PRKCQ: variants seen among roughly 807,000 people sequenced by gnomAD.
PRKCQ encodes the protein protein kinase C theta type.
PRKCQ carries 41 observed loss-of-function variants against 91.2 expected under a neutral mutation model. The observed-to-expected ratio is 0.45, with a 90% CI of 0.35 to 0.58. PRKCQ has a LOEUF of 0.58. PRKCQ is among the 20% of genes least tolerant of loss of function. PRKCQ has a pLI of 0.00. For missense variants in PRKCQ, 673 were observed against 896.5 expected (o/e 0.75, Z 3.18); for synonymous variants, 307 against 316.9 (o/e 0.97, Z 0.33).
At chr10:6,535,222 A>G (rs1839536955) in intron 1 of PRKCQ, among the ~76,000 whole-genome samples, 1 of 152,150 alleles carries the variant, frequency 6.6e-6, no homozygotes. Context: ...AACATTTGGT[A>G]ATTTAACAAG....
intron 1 of PRKCQ, among the ~76,000 whole-genome samples, chr10:6,526,568 C>G (rs1839205345): frequency 6.6e-6 from 1 of 152,060 alleles, no homozygotes; most frequent in African/African-American, 2.4e-5. Context: ...GAGGAGAGGA[C>G]TGAGTCACAC....
chr10:6,414,565 AT>A, the PRKCQ span, among the ~76,000 whole-genome samples: 413 of 152,352 alleles, frequency 2.7e-3, 1 homozygote, highest in African/African-American at 9.5e-3. Context: ...CATTCCATAC[AT>A]TCAAAAAGCT....
At position 6,485,652 on chromosome 10, in the gene PRKCQ, G is replaced by A. The variant is rs1836863868; in HGVS notation, c.900+383C>T. On this transcript the variant is annotated intron_variant, in intron 9 of 17. Transcript: ENST00000263125. ...GCTAATGCCAAAACAGTAAACAGCAGGCCAAATTTGCCCTGGACTCGGTGT... is the reference window on the plus strand; with the variant it reads ...GCTAATGCCAAAACAGTAAACAGCAAGCCAAATTTGCCCTGGACTCGGTGT... Among the ~76,000 whole-genome samples, 4 of 152,122 alleles carry A rather than the reference G, an allele frequency of 2.6e-5. No individual in the cohort carries two copies. In the South Asian group the frequency reaches 8.3e-4, roughly 32 times the overall value.
Position 6,497,547 on chromosome 10 carries a change from A to G in PRKCQ, c.543-296T>C, listed in dbSNP as rs376866174. 6.6e-6 allele frequency among the ~76,000 whole-genome samples: 1 copy of G among 152,246 alleles called. No individual in the cohort carries two copies. Among genetic ancestry groups the G allele is most frequent in the Non-Finnish European group, 1.5e-5 (1 of 68,040 alleles). On this transcript the variant is annotated intron_variant, in intron 5 of 17. Transcript: ENST00000263125. This position sits in a 1 kb window ranked among gnomAD's most constrained non-coding sequence, Gnocchi z 4.5. ...AATGCATGCATCACAGACTCTTCGT[A>G]GCACGTTTCCCTGTGCTAGATTTAA... is the stretch of plus-strand genomic sequence containing the variant.
At chr10:6,450,817 T>A (rs1354419013) in intron 15 of PRKCQ, among the ~76,000 whole-genome samples, 1 of 152,186 alleles carries the variant, frequency 6.6e-6, no homozygotes. Flanking sequence ...AATCTGCTCC[T>A]GAATGACTAC....
chr10:6,455,819 AG>A (rs1834972486), intron 15 of PRKCQ, among the ~76,000 whole-genome samples: 6 of 152,214 alleles, frequency 3.9e-5, no homozygotes, highest in African/African-American at 1.4e-4. Context: ...CACAGTTGGG[AG>A]ATATTTCTGG....
chr10:6,451,902 A>T (rs1281682254), intron 15 of PRKCQ, among the ~76,000 whole-genome samples: 1 of 152,200 alleles, frequency 6.6e-6, no homozygotes, highest in Non-Finnish European at 1.5e-5. Context: ...ACTCTCAATA[A>T]ATTAAGTATT....
chr10:6,400,042 C>T, the PRKCQ span, among the ~76,000 whole-genome samples: 19 of 152,286 alleles, frequency 1.2e-4, no homozygotes, highest in South Asian at 2.9e-3. Context: ...GTTTGACGCA[C>T]GTCAGAACTG....
intron 1 of PRKCQ, among the ~76,000 whole-genome samples, chr10:6,521,208 C>G (rs1439367353): frequency 6.6e-6 from 1 of 152,162 alleles, no homozygotes; most frequent in African/African-American, 2.4e-5. Flanking sequence ...GAGCTGATCC[C>G]CCTGTCTGAT....
chr10:6,566,028 A>G (rs1262766092), intron 1 of PRKCQ, among the ~76,000 whole-genome samples: 1 of 152,186 alleles, frequency 6.6e-6, no homozygotes, highest in Non-Finnish European at 1.5e-5. Context: ...ATTATTCACC[A>G]TTACCTTATA....
At chr10:6,453,212 C>G (rs573214038) in intron 15 of PRKCQ, among the ~76,000 whole-genome samples, 1 of 151,710 alleles carries the variant, frequency 6.6e-6, no homozygotes, top group Non-Finnish European at 1.5e-5. Context: ...ACAATGAACT[C>G]AAACAAATTT....
Position 6,507,445 on chromosome 10 carries a change from C to G in PRKCQ, c.370G>C (p.Glu124Gln). ...AAGAAATGTCACTTGCCACTCATTT[C>G]CAGAAAGTATCTTGCATTCATTAGC... is the stretch of plus-strand genomic sequence containing the variant. ...RMLMNARYFL[E>Q]MSDTKDMNEF... Residue 124 changes from glutamate (E) to glutamine (Q), a missense_variant, in exon 4 of 18, where the codon GAA becomes CAA. By Grantham distance (29) the Glu-to-Gln change is conservative. Transcript: ENST00000263125. 1 of 1,613,688 alleles carries G rather than the reference C, an allele frequency of 6.2e-7. No individual in the cohort carries two copies. The highest frequency in any genetic ancestry group is 8.5e-7 in the Non-Finnish European group (1 of 1,179,670).
At chr10:6,404,775 C>A in the PRKCQ span, among the ~76,000 whole-genome samples, 1 of 141,980 alleles carries the variant, frequency 7.0e-6, no homozygotes, top group Non-Finnish European at 1.5e-5. Context: ...ATCCTTTCTT[C>A]CTTCCTTCAC....
intron 1 of PRKCQ, among the ~76,000 whole-genome samples, chr10:6,535,417 T>C (rs1466605784): frequency 1.3e-5 from 2 of 152,212 alleles, no homozygotes; most frequent in Admixed American, 6.5e-5. Context: ...GGAATATACA[T>C]TTTTTCCATA....
chr10:6,441,799 T>C (rs762357414), intron 16 of PRKCQ, 94 bp downstream of exon 16: 9 of 1,288,870 alleles, frequency 7.0e-6, no homozygotes, highest in Non-Finnish European at 9.6e-6. Flanking sequence ...TAATCATTGT[T>C]TGCCACATGC....
intron 1 of PRKCQ, among the ~76,000 whole-genome samples, chr10:6,578,193 A>G (rs980451921): frequency 3.9e-5 from 6 of 152,206 alleles, no homozygotes; most frequent in Admixed American, 1.3e-4. Context: ...TTGTTGCCTG[A>G]AGGAGAAGTG....
At chr10:6,459,781 G>A (rs992332305) in intron 14 of PRKCQ, among the ~76,000 whole-genome samples, 9 of 152,200 alleles carry the variant, frequency 5.9e-5, no homozygotes, top group East Asian at 5.8e-4. Context: ...CTTGGTGGGG[G>A]CATGGCCCTG....
intron 1 of PRKCQ, among the ~76,000 whole-genome samples, chr10:6,521,724 G>C (rs1045944922): frequency 1.3e-5 from 2 of 152,078 alleles, no homozygotes; most frequent in African/African-American, 4.8e-5. Context: ...TCTGCACTCT[G>C]CTACGGAGCT....
chr10:6,413,114 G>A, the PRKCQ span, among the ~76,000 whole-genome samples: 1,237 of 152,064 alleles, frequency 8.1e-3, 11 homozygotes, highest in Middle Eastern at 0.034. Context: ...CACCACGCCC[G>A]GCTAATTTTT....
Sources: allele counts gnomAD v4.1 joint callset (sites outside exome capture counted in the v4.1 genomes callset), GRCh38; gene constraint gnomAD v4.1.1; non-coding constraint Gnocchi (gnomAD v3.1); transcripts MANE v1.5; gene names NCBI Gene and HGNC (gene_info 2026-07-23, HGNC 2026-07-21).